Variants in ST3GAL2 observed in about 807,000 individuals in gnomAD.
The protein encoded by ST3GAL2 is ST3 beta-galactoside alpha-2,3-sialyltransferase 2, also known as CMP-N-acetylneuraminate-beta-galactosamide-alpha-2,3-sialyltransferase 2.
ST3GAL2 carries 16 observed loss-of-function variants against 37.5 expected under a neutral mutation model. The observed-to-expected ratio is 0.43, with a 90% CI of 0.29 to 0.65. The LOEUF is 0.65. Ranked by LOEUF, ST3GAL2 falls within the 30% of genes least tolerant of loss-of-function variation. ST3GAL2 has a pLI of 0.17. For missense variants in ST3GAL2, 383 were observed against 487.8 expected (o/e 0.79, Z 2.02); for synonymous variants, 238 against 202.9 (o/e 1.17, Z -1.47).
intron 1 of ST3GAL2, among the ~76,000 whole-genome samples, chr16:70,414,758 C>T (rs1373856742): frequency 6.6e-6 from 1 of 152,162 alleles, no homozygotes; most frequent in Non-Finnish European, 1.5e-5. Flanking sequence ...CTGCAACCTC[C>T]GCCTCCTGGG....
rs1392137704 is a variant in ST3GAL2 at position 70,376,779 on chromosome 16, G to A, written c.*4910C>T. The A allele has an allele frequency of 6.6e-6, 1 of 151,106 alleles. No individual in the cohort carries two copies. Among genetic ancestry groups the A allele is most frequent in the Non-Finnish European group, 1.5e-5 (1 of 67,916 alleles). The allele number at this position is 151,106 out of a possible 1,614,324, so 9.4% of individuals were successfully genotyped here. A position where few individuals can be genotyped will look rare whatever the true frequency, so the allele number is the denominator to read the frequency against. ...TTTTTTTGAGACGGAGTCTTACTCTGTCGCTCAGGCTGGAGTGCAGTGGCT... is the reference window on the plus strand; with the variant it reads ...TTTTTTTGAGACGGAGTCTTACTCTATCGCTCAGGCTGGAGTGCAGTGGCT... On this transcript the variant is annotated 3_prime_UTR_variant, in exon 7 of 7. Coordinates refer to ENST00000342907, the MANE Select transcript of ST3GAL2 (RefSeq NM_006927.4).
At chr16:70,410,545 G>C (rs118077225) in intron 1 of ST3GAL2, among the ~76,000 whole-genome samples, 1 of 151,520 alleles carries the variant, frequency 6.6e-6, no homozygotes, top group African/African-American at 2.4e-5. Context: ...GAGCCAACAC[G>C]CCCGGCCAAC....
intron 1 of ST3GAL2, among the ~76,000 whole-genome samples, chr16:70,403,318 T>C (rs1312548326): frequency 1.3e-5 from 2 of 152,168 alleles, no homozygotes; most frequent in Non-Finnish European, 2.9e-5. Context: ...GGGGCTGTCA[T>C]TCACTATACA....
At chr16:70,409,033 C>T (rs1428271727) in intron 1 of ST3GAL2, among the ~76,000 whole-genome samples, 7 of 151,672 alleles carry the variant, frequency 4.6e-5, no homozygotes, top group Non-Finnish European at 7.4e-5. Context: ...TTCAGATCCA[C>T]CACCTGCTAC....
rs575733489 is a variant in ST3GAL2, at chr16:70,407,287, C to T, written c.-1003-7754G>A. ...TCCCAAGCAGCTGGCACTATAGGCC[C>T]GTGCCACCACGCCCAGCTAATTTTT... On this transcript the variant is annotated intron_variant, in intron 1 of 6. Transcript: ENST00000342907. Among the ~76,000 whole-genome samples the T allele has an allele frequency of 2.0e-5, 3 of 152,090 alleles. No individual in the cohort carries two copies. In the East Asian group the frequency reaches 5.8e-4, roughly 29 times the overall value.
Position 70,381,874 on chromosome 16 carries a change from C to A in ST3GAL2, c.880-12G>T. The A allele has an allele frequency of 6.2e-7, 1 of 1,612,090 alleles. No individual in the cohort carries two copies. The highest frequency in any genetic ancestry group is 8.5e-7 in the Non-Finnish European group (1 of 1,178,844). ...CCGTACACGTTCACCTGCGGGGAAG[C>A]GCAGCGGAGCGTCACCCCAGGCGGG... On this transcript the variant is annotated splice_polypyrimidine_tract_variant and intron_variant, in intron 6 of 6. Transcript: ENST00000342907.
intron 1 of ST3GAL2, among the ~76,000 whole-genome samples, chr16:70,408,029 G>A (rs1451228212): frequency 2.0e-5 from 3 of 152,124 alleles, no homozygotes; most frequent in Admixed American, 2.0e-4. Flanking sequence ...CACACAGCCT[G>A]AGGACGTGTC....
chr16:70,435,327 G>A (rs1304630024), intron 1 of ST3GAL2, among the ~76,000 whole-genome samples: 1 of 152,124 alleles, frequency 6.6e-6, no homozygotes, highest in African/African-American at 2.4e-5. Context: ...TGGGCGCAGT[G>A]GTTCACGCCT....
chr16:70,420,273 G>A (rs2047706300), intron 1 of ST3GAL2, among the ~76,000 whole-genome samples: 1 of 152,076 alleles, frequency 6.6e-6, no homozygotes, highest in South Asian at 2.1e-4. Context: ...GGCTAAACTG[G>A]CCTGAGCAGC....
At chr16:70,394,928 T>TC (rs2047505048) in intron 3 of ST3GAL2, 54 bp downstream of exon 3, 2 of 1,579,674 alleles carry the variant, frequency 1.3e-6, no homozygotes, top group Non-Finnish European at 1.7e-6. Context: ...AGGAGGGCAG[T>TC]CCCCTTCCCG....
intron 1 of ST3GAL2, among the ~76,000 whole-genome samples, chr16:70,425,824 C>A (rs2047745888): frequency 6.6e-6 from 1 of 152,206 alleles, no homozygotes; most frequent in Admixed American, 6.5e-5. Context: ...CAGAGGCCCA[C>A]AAGGGCAGAA....
In ST3GAL2 at chr16:70,408,890, C is replaced by CAAAAAAAAAAAAAAAAAA. The variant is rs59060353; in HGVS notation, c.-1003-9375_-1003-9358dup. 4.0e-3 allele frequency among the ~76,000 whole-genome samples: 238 copies of CAAAAAAAAAAAAAAAAAA among 59,874 alleles called. 32 individuals carry two copies. The highest frequency in any genetic ancestry group is 6.2e-3 in the Non-Finnish European group (174 of 28,206). The allele number at this position is 59,874 out of a possible 152,430, so 39.3% of individuals were successfully genotyped here. A position where few individuals can be genotyped will look rare whatever the true frequency, so the allele number is the denominator to read the frequency against. Reference sequence around the variant, plus strand: ...TCCTGTAGGAGACAGCTCAAAGAAACAAAAAAAAAAAAAAAAAAAAAAAAA... The same window carrying CAAAAAAAAAAAAAAAAAA: ...TCCTGTAGGAGACAGCTCAAAGAAACAAAAAAAAAAAAAAAAAAAAAAAAAAAAAAAAAAAAAAAAAAA... On this transcript the variant is annotated intron_variant, in intron 1 of 6. Transcript: ENST00000342907.
intron 1 of ST3GAL2, among the ~76,000 whole-genome samples, chr16:70,427,628 C>A (rs1246885536): frequency 6.6e-6 from 1 of 152,170 alleles, no homozygotes. Flanking sequence ...TGAGCCACTG[C>A]GCCTGGCCAA....
At position 70,398,374 on chromosome 16, in the gene ST3GAL2, C is replaced by T. The variant is rs138601340; in HGVS notation, c.157G>A (p.Gly53Ser). ...DGTHRVKLVP[G>S]YAGLQRLSKE... ...CTGAGGCGCTGCAGGCCGGCATAGC[C>T]GGGCACCAGCTTCACCCGGTGCGTC... The change falls in exon 2 of 7, where the codon GGC (glycine) becomes AGC (serine). Residue 53 changes from glycine (G) to serine (S), a missense_variant. Physicochemically the swap from Gly to Ser is moderately conservative, Grantham distance 56. Transcript: ENST00000342907. 14 of 1,613,384 alleles carry T rather than the reference C, an allele frequency of 8.7e-6. No individual in the cohort carries two copies. The highest frequency in any genetic ancestry group is 2.2e-5 in the East Asian group (1 of 44,890).
In ST3GAL2 at chr16:70,398,597, G is replaced by A. The variant is rs539587363; in HGVS notation, c.-67C>T. Reference sequence around the variant, plus strand: ...CCCAGCCCGCTGAGGGGCCAGCCACGGCGTAGCCTGCCTATTCTGGCACCA... The same window carrying A: ...CCCAGCCCGCTGAGGGGCCAGCCACAGCGTAGCCTGCCTATTCTGGCACCA... On this transcript the variant is annotated 5_prime_UTR_variant, in exon 2 of 7. Transcript: ENST00000342907. 1.5e-4 allele frequency: 212 copies of A among 1,439,370 alleles called. No individual in the cohort carries two copies. The highest frequency in any genetic ancestry group is 3.7e-4 in the Admixed American group (18 of 48,112). 89.2% of individuals were successfully genotyped at this position (1,439,370 alleles called of 1,614,324 possible). A position where few individuals can be genotyped will look rare whatever the true frequency, so the allele number is the denominator to read the frequency against.
intron 1 of ST3GAL2, chr16:70,400,732 G>T (rs543172356): frequency 6.6e-6 from 1 of 152,366 alleles, no homozygotes; most frequent in Non-Finnish European, 1.5e-5. Context: ...GTGACTTTGG[G>T]ATAGGCCATG....
intron 3 of ST3GAL2, among the ~76,000 whole-genome samples, chr16:70,390,381 T>A (rs968529077): frequency 2.8e-4 from 43 of 152,224 alleles, no homozygotes; most frequent in Non-Finnish European, 5.3e-4. Flanking sequence ...CCTTTTATAA[T>A]TTTTTAAAGA....
At position 70,380,975 on chromosome 16, in the gene ST3GAL2, T is replaced by C. The variant is rs1400066153; in HGVS notation, c.*714A>G. 6.6e-6 allele frequency: 1 copy of C among 152,668 alleles called. No homozygotes were observed. The highest frequency in any genetic ancestry group is 2.4e-5 in the African/African-American group (1 of 41,402). The allele number at this position is 152,668 out of a possible 1,614,324, so 9.5% of individuals were successfully genotyped here. ...CGGGAGGGTCGAGGGCACACGTGAG[T>C]GACAGCACCTTGCACTGAAGGGGAC... On this transcript the variant is annotated 3_prime_UTR_variant, in exon 7 of 7. Transcript: ENST00000342907.
At chr16:70,390,390 GA>G (rs1268144451) in intron 3 of ST3GAL2, among the ~76,000 whole-genome samples, 1 of 152,178 alleles carries the variant, frequency 6.6e-6, no homozygotes, top group Non-Finnish European at 1.5e-5. Flanking sequence ...ATTTTTTAAA[GA>G]AACAACTTAT....
Sources: allele counts gnomAD v4.1 joint callset (sites outside exome capture counted in the v4.1 genomes callset), GRCh38; gene constraint gnomAD v4.1.1; transcripts MANE v1.5; gene names NCBI Gene and HGNC (gene_info 2026-07-23, HGNC 2026-07-21).